Variants in GALNTL6 observed in about 807,000 individuals in gnomAD.
GALNTL6 encodes polypeptide N-acetylgalactosaminyltransferase like 6.
In GALNTL6, 46 loss-of-function variants were observed where a neutral mutation model predicts 73.7. The observed-to-expected ratio is 0.62, with a 90% CI of 0.49 to 0.80. The LOEUF is 0.80. GALNTL6 is among the 30% of genes least tolerant of loss of function. The pLI is 0.00. For missense variants in GALNTL6, 604 were observed against 755.0 expected (o/e 0.80, Z 2.34); for synonymous variants, 259 against 263.7 (o/e 0.98, Z 0.17).
At chr4:172,488,067 T>C (rs1320548435) in intron 5 of GALNTL6, among the ~76,000 whole-genome samples, 3 of 152,196 alleles carry the variant, frequency 2.0e-5, no homozygotes, top group African/African-American at 7.2e-5. Context: ...AAAATTCACA[T>C]TTGGAACTTA....
intron 12 of GALNTL6, among the ~76,000 whole-genome samples, chr4:173,025,991 C>T (rs1176786680): frequency 6.6e-6 from 1 of 152,028 alleles, no homozygotes; most frequent in African/African-American, 2.4e-5. Flanking sequence ...CCTAATATAC[C>T]ACATCATTAA....
chr4:172,958,743 G>A, intron 10 of GALNTL6, among the ~76,000 whole-genome samples: 1 of 152,190 alleles, frequency 6.6e-6, no homozygotes, highest in Non-Finnish European at 1.5e-5. Flanking sequence ...CCTTGAGGCA[G>A]TACAGCCCAG....
intron 2 of GALNTL6, among the ~76,000 whole-genome samples, chr4:172,039,445 G>T (rs1362080336): frequency 6.6e-6 from 1 of 152,110 alleles, no homozygotes; most frequent in Non-Finnish European, 1.5e-5. Context: ...AGAAAACTAG[G>T]TTATATATTT....
At chr4:171,842,016 A>T (rs1275758705) in intron 2 of GALNTL6, among the ~76,000 whole-genome samples, 2 of 152,100 alleles carry the variant, frequency 1.3e-5, no homozygotes, top group African/African-American at 2.4e-5. Context: ...TTATGCAAAC[A>T]TCACTGGCCT....
chr4:172,337,373 A>G (rs1462704247), intron 4 of GALNTL6, among the ~76,000 whole-genome samples: 1 of 152,132 alleles, frequency 6.6e-6, no homozygotes, highest in Admixed American at 6.5e-5. Flanking sequence ...GCTTCATAGA[A>G]TCTATGGGCT....
Position 172,809,454 on chromosome 4 carries a change from G to C in GALNTL6, c.647G>C (p.Arg216Pro). 1 of 1,613,782 alleles carries C rather than the reference G, an allele frequency of 6.2e-7. No homozygotes were observed. The highest frequency in any genetic ancestry group is 8.5e-7 in the Non-Finnish European group (1 of 1,179,808). ...TKKREGLIRT[R>P]LLGASMARGE... is the part of the protein sequence containing the mutation. ...AAAAGAGAAGGACTCATCCGGACCC[G>C]TCTCCTGGGGGCATCTATGGCCAGA... The change falls in exon 6 of 13, where the codon CGT becomes CCT. Residue 216 changes from arginine (R) to proline (P), a missense_variant. Physicochemically the swap from Arg to Pro is moderately radical, Grantham distance 103. Around this residue, in one of 5 missense-constraint regions of GALNTL6, gnomAD observed 179 missense variants for 230.8 expected, o/e 0.78. Transcript: ENST00000506823. The surrounding 1 kb of genome is among the most constrained non-coding windows in gnomAD (Gnocchi z 4.4).
chr4:172,762,843 T>G (rs972045652), intron 5 of GALNTL6, among the ~76,000 whole-genome samples: 7 of 150,400 alleles, frequency 4.7e-5, no homozygotes, highest in African/African-American at 1.7e-4. Flanking sequence ...CTCCAACTAT[T>G]TGGAGGACTC....
At chr4:172,271,071 A>T (rs1210261587) in intron 3 of GALNTL6, among the ~76,000 whole-genome samples, 1 of 152,158 alleles carries the variant, frequency 6.6e-6, no homozygotes, top group African/African-American at 2.4e-5. Flanking sequence ...GGAAGATTTG[A>T]CTAGGAGACA....
At chr4:171,996,323 A>C (rs1740481688) in intron 2 of GALNTL6, among the ~76,000 whole-genome samples, 1 of 152,126 alleles carries the variant, frequency 6.6e-6, no homozygotes, top group Non-Finnish European at 1.5e-5. Flanking sequence ...AATCTGAACA[A>C]GAACAATTCT....
chr4:172,077,677 A>G (rs549826148), intron 2 of GALNTL6, among the ~76,000 whole-genome samples: 1 of 152,332 alleles, frequency 6.6e-6, no homozygotes, highest in African/African-American at 2.4e-5. Flanking sequence ...GTTTGGAAAA[A>G]TTGAACCTAG....
At chr4:172,845,502 A>T (rs1418872839) in intron 7 of GALNTL6, among the ~76,000 whole-genome samples, 1 of 152,188 alleles carries the variant, frequency 6.6e-6, no homozygotes, top group Non-Finnish European at 1.5e-5. Flanking sequence ...AAGATGAGAC[A>T]AAGTTACCCT....
chr4:172,268,819 G>A (rs945842060), intron 3 of GALNTL6, among the ~76,000 whole-genome samples: 2 of 152,136 alleles, frequency 1.3e-5, no homozygotes, highest in African/African-American at 2.4e-5. Context: ...CAGCAAAAAG[G>A]CGACTTCTAC....
At chr4:172,749,962 G>T (rs1307135697) in intron 5 of GALNTL6, among the ~76,000 whole-genome samples, 1 of 152,104 alleles carries the variant, frequency 6.6e-6, no homozygotes, top group Non-Finnish European at 1.5e-5. Context: ...TCCTTCAGAA[G>T]AAACGCTTCT....
At chr4:172,926,921 G>C (rs1229132160) in intron 8 of GALNTL6, among the ~76,000 whole-genome samples, 2 of 152,290 alleles carry the variant, frequency 1.3e-5, no homozygotes, top group East Asian at 3.9e-4. Flanking sequence ...AGAAAAAAAT[G>C]ACTGTTCATT....
chr4:173,037,933 G>C (rs1042883197), intron 12 of GALNTL6, among the ~76,000 whole-genome samples: 1 of 152,114 alleles, frequency 6.6e-6, no homozygotes, highest in African/African-American at 2.4e-5. Flanking sequence ...ATTAGAGACG[G>C]GGTTTCACCA....
intron 5 of GALNTL6, among the ~76,000 whole-genome samples, chr4:172,563,836 T>C (rs975863300): frequency 5.9e-5 from 9 of 152,230 alleles, no homozygotes; most frequent in Non-Finnish European, 7.3e-5. Flanking sequence ...AAATATGGTT[T>C]TTTTAATTCA....
intron 10 of GALNTL6, among the ~76,000 whole-genome samples, chr4:173,002,713 T>C (rs546578497): frequency 6.7e-6 from 1 of 150,052 alleles, no homozygotes; most frequent in African/African-American, 2.5e-5. Context: ...GAGAATCACT[T>C]GAACCCAGGA....
intron 2 of GALNTL6, among the ~76,000 whole-genome samples, chr4:171,966,783 G>T (rs576233071): frequency 6.6e-6 from 1 of 152,158 alleles, no homozygotes; most frequent in South Asian, 2.1e-4. Flanking sequence ...TCTTTCTATT[G>T]TGTTATTACT....
intron 2 of GALNTL6, among the ~76,000 whole-genome samples, chr4:171,855,092 T>A (rs28866285): frequency 0.076 from 11,599 of 152,206 alleles, 1,099 homozygotes; most frequent in African/African-American, 0.22. Context: ...GTGGATGTGT[T>A]ATAATTAATT....
Sources: gnomAD v4.1 joint callset for allele counts (sites outside exome capture counted in the v4.1 genomes callset) on GRCh38, gnomAD v4.1.1 for gene constraint, gnomAD v4.1.1 regional missense constraint, Gnocchi (gnomAD v3.1) non-coding constraint, MANE v1.5 for transcripts, NCBI Gene and HGNC (gene_info 2026-07-23, HGNC 2026-07-21) for gene names.